Variants in SNX29 observed in about 807,000 individuals in gnomAD.
The protein encoded by SNX29 is sorting nexin 29.
In SNX29, 78 loss-of-function variants were observed where a neutral mutation model predicts 102.1. The observed-to-expected ratio is 0.76, with a 90% CI of 0.64 to 0.92. SNX29 has a LOEUF of 0.92. Ranked by LOEUF, SNX29 falls within the 40% of genes least tolerant of loss-of-function variation. SNX29 has a pLI of 0.00. For synonymous variants in SNX29, 580 were observed against 414.5 expected, an observed-to-expected ratio of 1.40 and a Z score of -4.85; for missense variants, 1,280 against 1,061.7, an observed-to-expected ratio of 1.21 and a Z score of -2.86.
rs570196509 is a variant in SNX29, at chr16:12,574,003, C to G, written c.*5374C>G. On this transcript the variant is annotated 3_prime_UTR_variant, in exon 21 of 21. Coordinates refer to ENST00000566228, the MANE Select transcript of SNX29 (RefSeq NM_032167.5). ...CCCATGATCGGCTCCCAGTGCACCC[C>G]CTTAAGGGTAAGCAGGCCACATATC... 7.1e-5 allele frequency: 14 copies of G among 197,934 alleles called. No individual in the cohort carries two copies. In the East Asian group the frequency reaches 1.0e-3, roughly 14 times the overall value. 12.3% of individuals were successfully genotyped at this position (197,934 alleles called of 1,614,324 possible). A position where few individuals can be genotyped will look rare whatever the true frequency, so the allele number is the denominator to read the frequency against.
intron 1 of SNX29, among the ~76,000 whole-genome samples, chr16:11,991,699 C>T (rs752083161): frequency 2.3e-4 from 34 of 145,870 alleles, no homozygotes; most frequent in Non-Finnish European, 4.6e-4. Flanking sequence ...CATGCCACCA[C>T]CTGAGGCTAA....
chr16:12,319,064 G>T (rs2080845590), intron 15 of SNX29, among the ~76,000 whole-genome samples: 1 of 152,134 alleles, frequency 6.6e-6, no homozygotes, highest in African/African-American at 2.4e-5. Context: ...AGTAAAACTT[G>T]TTTAATCCTT....
chr16:12,240,903 G>C (rs905873041), intron 14 of SNX29, among the ~76,000 whole-genome samples: 1 of 152,090 alleles, frequency 6.6e-6, no homozygotes, highest in African/African-American at 2.4e-5. Flanking sequence ...ACCGCACCTT[G>C]CCATCTTTGT....
chr16:12,225,667 G>A (rs1387630458), intron 14 of SNX29, among the ~76,000 whole-genome samples: 3 of 152,162 alleles, frequency 2.0e-5, no homozygotes, highest in African/African-American at 4.8e-5. Context: ...GTCAGCCCAG[G>A]TACAAGTTGT....
intron 4 of SNX29, among the ~76,000 whole-genome samples, chr16:12,031,241 T>G (rs1333613123): frequency 6.6e-6 from 1 of 151,830 alleles, no homozygotes; most frequent in Non-Finnish European, 1.5e-5. Flanking sequence ...CTGCCTAATT[T>G]TTGTATTTTT....
chr16:12,335,975 A>T (rs867501853), intron 15 of SNX29, among the ~76,000 whole-genome samples: 1 of 152,036 alleles, frequency 6.6e-6, no homozygotes, highest in Non-Finnish European at 1.5e-5. Flanking sequence ...CCTGTGGGTC[A>T]AGGCACATCC....
chr16:12,120,891 A>G (rs1019363818), intron 11 of SNX29, among the ~76,000 whole-genome samples: 12 of 152,120 alleles, frequency 7.9e-5, no homozygotes, highest in African/African-American at 2.9e-4. Flanking sequence ...CGGGAGCCTG[A>G]ATCTCTGTCA....
chr16:12,273,061 A>C (rs923855613), intron 14 of SNX29, among the ~76,000 whole-genome samples: 3 of 152,072 alleles, frequency 2.0e-5, no homozygotes, highest in Non-Finnish European at 2.9e-5. Context: ...TTCCTGCACG[A>C]TCTCTTGATT....
At chr16:12,282,608 G>A (rs2079470312) in intron 15 of SNX29, among the ~76,000 whole-genome samples, 1 of 152,188 alleles carries the variant, frequency 6.6e-6, no homozygotes, top group Non-Finnish European at 1.5e-5. Flanking sequence ...GTGAGTCCTA[G>A]AACCTCAGAT....
intron 15 of SNX29, among the ~76,000 whole-genome samples, chr16:12,350,805 G>T (rs1597030990): frequency 2.0e-5 from 3 of 152,104 alleles, no homozygotes; most frequent in African/African-American, 7.2e-5. Context: ...ACTTCTTTGA[G>T]GTCCTTCCCC....
chr16:12,225,123 G>A (rs527886372), intron 14 of SNX29, among the ~76,000 whole-genome samples: 19 of 152,244 alleles, frequency 1.2e-4, no homozygotes, highest in African/African-American at 4.3e-4. Flanking sequence ...AATATCAAAG[G>A]CATTGATATT....
intron 4 of SNX29, chr16:12,038,595 C>G (rs1308410438): frequency 6.6e-6 from 1 of 152,236 alleles, no homozygotes; most frequent in African/African-American, 2.4e-5. Flanking sequence ...AAATAGACCA[C>G]ATTAATTCTG....
At chr16:12,231,517 A>G (rs1486278648) in intron 14 of SNX29, among the ~76,000 whole-genome samples, 2 of 150,608 alleles carry the variant, frequency 1.3e-5, no homozygotes, top group African/African-American at 4.9e-5. Context: ...TCAATTTCCA[A>G]TTGTTGGGCC....
chr16:12,109,964 C>T (rs186695422), intron 11 of SNX29, among the ~76,000 whole-genome samples: 1,916 of 152,258 alleles, frequency 0.013, 46 homozygotes, highest in African/African-American at 0.043. Context: ...CTCCTGCCCT[C>T]GTGATCCACC....
intron 20 of SNX29, among the ~76,000 whole-genome samples, chr16:12,558,778 C>T (rs765229872): frequency 1.1e-4 from 16 of 152,248 alleles, no homozygotes; most frequent in Non-Finnish European, 2.1e-4. Flanking sequence ...CCGCATTGTA[C>T]AACCTGAAGC....
chr16:12,340,297 A>G (rs770970032), intron 15 of SNX29, among the ~76,000 whole-genome samples: 2 of 152,180 alleles, frequency 1.3e-5, no homozygotes, highest in African/African-American at 2.4e-5. Flanking sequence ...GAGAATTTCT[A>G]TTGAAGCCCA....
intron 16 of SNX29, among the ~76,000 whole-genome samples, chr16:12,369,328 G>T (rs918304409): frequency 4.0e-5 from 6 of 151,800 alleles, no homozygotes; most frequent in Middle Eastern, 3.4e-3. Context: ...TAAAGATGGG[G>T]TTTCACCATG....
At chr16:12,151,419 T>C (rs2055295445) in intron 13 of SNX29, among the ~76,000 whole-genome samples, 1 of 152,224 alleles carries the variant, frequency 6.6e-6, no homozygotes, top group Admixed American at 6.5e-5. Context: ...TTCAAAGTGT[T>C]AAGTCAGCTC....
chr16:12,069,005 G>C, intron 9 of SNX29, 52 bp from the exon 10 acceptor site: 3 of 1,554,786 alleles, frequency 1.9e-6, no homozygotes, highest in Non-Finnish European at 2.7e-6. Context: ...GTCTTATGGA[G>C]AACATGTAGT....
Sources: gnomAD v4.1 joint callset for allele counts (sites outside exome capture counted in the v4.1 genomes callset) on GRCh38, gnomAD v4.1.1 for gene constraint, MANE v1.5 for transcripts, NCBI Gene and HGNC (gene_info 2026-07-23, HGNC 2026-07-21) for gene names.